Variants in ZNF280B observed in about 807,000 individuals in gnomAD.
The protein encoded by ZNF280B is suppressor of hairy wing homolog 2.
A neutral mutation model predicts 38.0 loss-of-function variants in ZNF280B; 16 were observed. The ratio of observed to expected loss-of-function variants is 0.42; its 90% CI spans 0.28 to 0.64. The LOEUF is 0.64. Among genes scored for constraint, ZNF280B ranks in the 30% least tolerant of loss-of-function variants. The probability of loss-of-function intolerance (pLI) is 0.21; values close to 1 mark genes in which losing one functional copy is unlikely to be tolerated. For synonymous variants in ZNF280B, 253 were observed against 230.6 expected (o/e 1.10, Z -0.88); for missense variants, 581 against 639.6 (o/e 0.91, Z 0.99).
chr22:22,489,114 T>G lies in ZNF280B; in HGVS notation c.285A>C (p.Thr95=). 6.2e-7 allele frequency: 1 copy of G among 1,613,924 alleles called. No homozygotes were observed. The highest frequency in any genetic ancestry group is 1.1e-5 in the South Asian group (1 of 91,074). Residue 95 remains threonine, a synonymous_variant, in exon 4 of 4, where the codon ACA becomes ACC. Transcript: ENST00000626650. ...KLQPKSHETV[T]SEAVTVLPAS... ...CTGGCAGGACGGTCACTGCTTCTGA[T>G]GTAACGGTCTCATGACTTTTAGGCT...
chr22:22,488,189 C>T lies in ZNF280B; in HGVS notation c.1210G>A (p.Val404Met). Residue 404 changes from valine (V) to methionine (M), a missense_variant, in exon 4 of 4, where the codon GTG (valine) becomes ATG (methionine). Transcript: ENST00000626650. The stretch of plus-strand genomic sequence containing the variant: ...GATCTATAATGGCAAACCTGGCACA[C>T]ATAGGGCATTTCGCCAGGCTTATGA... Reference protein sequence around the residue: ...DHHKPGEMPYVCQVCHYRSSV... With the variant: ...DHHKPGEMPYMCQVCHYRSSV... 2 of 1,613,910 alleles carry T rather than the reference C, an allele frequency of 1.2e-6. No individual in the cohort carries two copies. Among genetic ancestry groups the T allele is most frequent in the Non-Finnish European group, 8.5e-7 (1 of 1,179,980 alleles).
In ZNF280B at chr22:22,487,527, CACAA is replaced by C. The variant is rs2061518403; in HGVS notation, c.*236_*239del. 1.7e-5 allele frequency: 6 copies of C among 361,556 alleles called. No individual in the cohort carries two copies. Among genetic ancestry groups the C allele is most frequent in the South Asian group, 2.5e-4 (2 of 8,108 alleles). 22.4% of individuals were successfully genotyped at this position (361,556 alleles called of 1,614,324 possible). A position where few individuals can be genotyped will look rare whatever the true frequency, so the allele number is the denominator to read the frequency against. ...CCTTTTTCTCTCTCTCACACACACA[CACAA>C]ACACCTTTTATGTGTTAAGCCAGAT... On this transcript the variant is annotated 3_prime_UTR_variant, in exon 4 of 4. Coordinates refer to ENST00000626650, the MANE Select transcript of ZNF280B (RefSeq NM_080764.4).
At chr22:22,506,291 G>A (rs59933933) in intron 2 of ZNF280B, among the ~76,000 whole-genome samples, 3,929 of 151,688 alleles carry the variant, frequency 0.026, 160 homozygotes, top group African/African-American at 0.088. Context: ...TCATGGAGAT[G>A]AGAAGGAGCT....
At chr22:22,500,169 G>A (rs185671292) in intron 2 of ZNF280B, among the ~76,000 whole-genome samples, 2 of 151,998 alleles carry the variant, frequency 1.3e-5, no homozygotes, top group African/African-American at 2.4e-5. Context: ...ATGGAAAACA[G>A]TACAGAAATG....
At chr22:22,505,375 G>C (rs1319131736) in intron 2 of ZNF280B, among the ~76,000 whole-genome samples, 1 of 151,766 alleles carries the variant, frequency 6.6e-6, no homozygotes, top group Non-Finnish European at 1.5e-5. Flanking sequence ...AGACCGGCCT[G>C]GCCAACATGG....
intron 2 of ZNF280B, among the ~76,000 whole-genome samples, chr22:22,500,657 A>T (rs2061798122): frequency 1.3e-5 from 2 of 151,752 alleles, no homozygotes. Context: ...GGAGTTCGAG[A>T]TCAGCTTGGC....
At position 22,489,192 on chromosome 22, in the gene ZNF280B, C is replaced by T. The variant is rs1247172397; in HGVS notation, c.207G>A (p.Trp69Ter). 6.2e-7 allele frequency: 1 copy of T among 1,613,626 alleles called. No homozygotes were observed. The highest frequency in any genetic ancestry group is 8.5e-7 in the Non-Finnish European group (1 of 1,179,928). The stretch of plus-strand genomic sequence containing the variant: ...GGTGATCATACTTTTTTCTCCTTGA[C>T]CATGAACCCGGGGTGACTCTGTTCA... ...NILNRVTPGS[W>*]SRRKKYDHLR... Residue 69 changes from tryptophan to a stop codon, truncating the protein, a stop_gained, in exon 4 of 4, where the codon TGG becomes TGA. Transcript: ENST00000626650. LOFTEE classifies it high-confidence loss of function.
chr22:22,495,342 A>T (rs771530616), intron 2 of ZNF280B, among the ~76,000 whole-genome samples: 3 of 151,992 alleles, frequency 2.0e-5, no homozygotes, highest in Admixed American at 6.6e-5. Context: ...ATTGTGTGCC[A>T]GGCACTGCTT....
intron 2 of ZNF280B, among the ~76,000 whole-genome samples, chr22:22,504,472 G>A (rs576050176): frequency 7.7e-4 from 116 of 151,266 alleles, no homozygotes; most frequent in African/African-American, 2.6e-3. Context: ...CATTAACTAG[G>A]TGTTAAAAGC....
chr22:22,488,604 C>CA lies in ZNF280B; in HGVS notation c.794dup (p.Leu265PhefsTer11). 1 of 1,613,784 alleles carries CA rather than the reference C, an allele frequency of 6.2e-7. No individual in the cohort carries two copies. On this transcript the variant is annotated frameshift_variant, in exon 4 of 4. Transcript: ENST00000626650. LOFTEE classifies it high-confidence loss of function. The stretch of plus-strand genomic sequence containing the variant: ...AGGTCTTGTTTTGACTTGTTAGACT[C>CA]AAAATGTCTGTTTTTGCCAATTCAT...
intron 3 of ZNF280B, among the ~76,000 whole-genome samples, chr22:22,491,803 A>T (rs2146774649): frequency 6.6e-6 from 1 of 151,934 alleles, no homozygotes; most frequent in Middle Eastern, 3.5e-3. Flanking sequence ...CCACAGACCC[A>T]CAAAATCAGT....
At chr22:22,501,829 G>C (rs1182755988) in intron 2 of ZNF280B, among the ~76,000 whole-genome samples, 1 of 151,870 alleles carries the variant, frequency 6.6e-6, no homozygotes, top group African/African-American at 2.4e-5. Flanking sequence ...GTACAACATA[G>C]TGAGACCCTA....
chr22:22,496,595 C>T (rs2061699933), intron 2 of ZNF280B, among the ~76,000 whole-genome samples: 1 of 151,652 alleles, frequency 6.6e-6, no homozygotes. Context: ...GTTTAATGGG[C>T]ATTCAATTCT....
In ZNF280B at chr22:22,488,515, C is replaced by T. The variant is rs1167593890; in HGVS notation, c.884G>A (p.Gly295Glu). 2 of 1,613,896 alleles carry T rather than the reference C, an allele frequency of 1.2e-6. No homozygotes were observed. The highest frequency in any genetic ancestry group is 1.7e-6 in the Non-Finnish European group (2 of 1,179,974). Reference sequence around the variant, plus strand: ...AGTCTTCTGTTCCGGCTGCCCTTCTCCTTTATGCTGTCCATAGTAAAAGTC... The same window carrying T: ...AGTCTTCTGTTCCGGCTGCCCTTCTTCTTTATGCTGTCCATAGTAAAAGTC... ...LSDFYYGQHK[G>E]EGQPEQKTHT... Residue 295 changes from glycine to glutamate, a missense_variant, in exon 4 of 4, where the codon GGA becomes GAA. Coordinates refer to ENST00000626650, the MANE Select transcript of ZNF280B (RefSeq NM_080764.4).
intron 2 of ZNF280B, among the ~76,000 whole-genome samples, chr22:22,495,274 GA>G (rs1455282107): frequency 6.6e-6 from 1 of 151,832 alleles, no homozygotes; most frequent in East Asian, 2.0e-4. Flanking sequence ...CTACCTTTTT[GA>G]ATTGATTTCT....
rs2061534217 is a variant in ZNF280B, at chr22:22,488,568, C to G, written c.831G>C (p.Lys277Asn). The stretch of plus-strand genomic sequence containing the variant: ...TAAGTAACACAATGGGATTTTCTTT[C>G]TTGGGATCAAAGGTCTTGTTTTGAC... ...LTSQNKTFDP[K>N]KENPIVLLSD... is the part of the protein sequence containing the mutation. Residue 277 changes from lysine to asparagine, a missense_variant, in exon 4 of 4, where the codon AAG becomes AAC. Lys to Asn is a moderately conservative substitution (Grantham distance 94). Coordinates refer to ENST00000626650, the MANE Select transcript of ZNF280B (RefSeq NM_080764.4). The G allele has an allele frequency of 6.2e-7, 1 of 1,613,840 alleles. No homozygotes were observed. The highest frequency in any genetic ancestry group is 1.3e-5 in the African/African-American group (1 of 74,954).
chr22:22,490,101 A>G (rs554230414), intron 3 of ZNF280B, among the ~76,000 whole-genome samples: 1 of 152,112 alleles, frequency 6.6e-6, no homozygotes, highest in Non-Finnish European at 1.5e-5. Context: ...ACAGCATAGC[A>G]CAATGTCAAT....
At chr22:22,489,943 A>T (rs2061560348) in intron 3 of ZNF280B, among the ~76,000 whole-genome samples, 1 of 151,986 alleles carries the variant, frequency 6.6e-6, no homozygotes, top group African/African-American at 2.4e-5. Flanking sequence ...CCACCTATTC[A>T]ATGGCAGCTT....
intron 2 of ZNF280B, among the ~76,000 whole-genome samples, chr22:22,502,048 G>C (rs891264083): frequency 2.6e-5 from 4 of 151,852 alleles, no homozygotes; most frequent in African/African-American, 9.7e-5. Flanking sequence ...GATCACTGGA[G>C]CCTGGGAGGT....
Sources: gnomAD v4.1 joint callset for allele counts (sites outside exome capture counted in the v4.1 genomes callset) on GRCh38, gnomAD v4.1.1 for gene constraint, MANE v1.5 for transcripts, NCBI Gene and HGNC (gene_info 2026-07-23, HGNC 2026-07-21) for gene names.